Variants in ABCA5 observed in about 807,000 individuals in gnomAD.
ABCA5 encodes cholesterol transporter ABCA5.
In ABCA5, 163 loss-of-function variants were observed where a neutral mutation model predicts 206.0. That is an observed-to-expected ratio of 0.79 (90% CI 0.70 to 0.90). The LOEUF is 0.90. Among genes scored for constraint, ABCA5 ranks in the 40% least tolerant of loss-of-function variants. ABCA5 has a pLI of 0.00. For missense variants in ABCA5, 1,859 were observed against 1,912.9 expected (o/e 0.97, Z 0.53); for synonymous variants, 609 against 613.8 (o/e 0.99, Z 0.11).
At position 69,306,934 on chromosome 17, in the gene ABCA5, A is replaced by C. The variant is rs1555584736; in HGVS notation, c.579T>G (p.Leu193=). The change falls in exon 6 of 39, where the codon CTT becomes CTG. Residue 193 remains leucine (L), a synonymous_variant. Transcript: ENST00000392676. ...AIIQLKTNVS[L]WKELESTKAV... ...CTTTAGTTGACTCCAGCTCCTTCCA[A>C]AGAGAAACATTGGTCTTCAACTATA... is the stretch of plus-strand genomic sequence containing the variant. The C allele has an allele frequency of 6.4e-7, 1 of 1,555,016 alleles. No homozygotes were observed. The highest frequency in any genetic ancestry group is 1.2e-5 in the South Asian group (1 of 80,106).
At position 69,250,619 on chromosome 17, in the gene ABCA5, C is replaced by G; in HGVS notation, c.4538G>C (p.Cys1513Ser). 1 of 1,539,558 alleles carries G rather than the reference C, an allele frequency of 6.5e-7. No individual in the cohort carries two copies. Among genetic ancestry groups the G allele is most frequent in the Non-Finnish European group, 8.7e-7 (1 of 1,149,274 alleles). The change falls in exon 36 of 39, where the codon TGT (cysteine) becomes TCT (serine). Residue 1513 changes from cysteine to serine, a missense_variant and splice_region_variant. Coordinates refer to ENST00000392676, the MANE Select transcript of ABCA5 (RefSeq NM_172232.4). ...CTTTAGATGTTGTACTGTTCCGATA[C>G]ATCTGAAGTAATTTTTTAAAAGAAA... ...VAIMVSGQLR[C>S]IGTVQHLKSK... is the part of the protein sequence containing the mutation.
chr17:69,257,091 G>A (rs1438031251), intron 28 of ABCA5, among the ~76,000 whole-genome samples: 1 of 152,024 alleles, frequency 6.6e-6, no homozygotes, highest in Non-Finnish European at 1.5e-5. Context: ...GTGGCCAGGC[G>A]CAGTGGCTCC....
At position 69,314,321 on chromosome 17, in the gene ABCA5, C is replaced by T. The variant is rs747470011; in HGVS notation, c.95G>A (p.Ser32Asn). Residue 32 changes from serine (S) to asparagine (N), a missense_variant, in exon 2 of 39, where the codon AGT (serine) becomes AAT (asparagine). Physicochemically the swap from Ser to Asn is conservative, Grantham distance 46. Coordinates refer to ENST00000392676, the MANE Select transcript of ABCA5 (RefSeq NM_172232.4). Reference protein sequence around the residue: ...YLIKCRTKKSSVQEILFPLFF... With the variant: ...YLIKCRTKKSNVQEILFPLFF... ...AAGAGTTATTTAACTTACCTGAACA[C>T]TACTCTTTTTGGTTCTGCATTTAAT... 1.2e-6 allele frequency: 2 copies of T among 1,609,796 alleles called. No individual in the cohort carries two copies. The highest frequency in any genetic ancestry group is 1.7e-6 in the Non-Finnish European group (2 of 1,176,518).
chr17:69,262,715 G>A (rs1047621584), intron 24 of ABCA5, among the ~76,000 whole-genome samples: 37 of 152,236 alleles, frequency 2.4e-4, no homozygotes, highest in African/African-American at 8.7e-4. Flanking sequence ...CTTTTTGGTA[G>A]AATGATTTAT....
At chr17:69,272,797 T>C (rs906694185) in intron 20 of ABCA5, among the ~76,000 whole-genome samples, 4 of 152,202 alleles carry the variant, frequency 2.6e-5, no homozygotes, top group Non-Finnish European at 4.4e-5. Flanking sequence ...ATGAAGGTTA[T>C]GTAATATAAC....
intron 19 of ABCA5, among the ~76,000 whole-genome samples, chr17:69,274,813 T>C (rs1170565628): frequency 2.0e-5 from 3 of 151,306 alleles, no homozygotes; most frequent in Non-Finnish European, 4.4e-5. Context: ...AATTACTTCC[T>C]GTCCTGTCTC....
At chr17:69,277,943 G>A in intron 18 of ABCA5, 101 bp from the exon 19 acceptor site, 2 of 859,804 alleles carry the variant, frequency 2.3e-6, no homozygotes, top group Non-Finnish European at 3.4e-6. Flanking sequence ...TGGCAGTTAT[G>A]TGGAACAAAT....
At chr17:69,302,451 C>A (rs1279403750) in intron 8 of ABCA5, among the ~76,000 whole-genome samples, 1 of 152,110 alleles carries the variant, frequency 6.6e-6, no homozygotes. Flanking sequence ...TACTATCAAA[C>A]TGAGTTTCTG....
chr17:69,279,818 C>T (rs1354129011), intron 18 of ABCA5, among the ~76,000 whole-genome samples: 2 of 152,336 alleles, frequency 1.3e-5, no homozygotes, highest in African/African-American at 4.8e-5. Context: ...GCTGGGAAAA[C>T]TAGCTAGCCA....
At chr17:69,247,695 A>G in intron 38 of ABCA5, 51 bp from the exon 39 acceptor site, 1 of 1,081,526 alleles carries the variant, frequency 9.2e-7, no homozygotes, top group Non-Finnish European at 1.4e-6. Context: ...CAAGTACCTC[A>G]AAGAACTTTT....
intron 28 of ABCA5, among the ~76,000 whole-genome samples, 156 bp downstream of exon 28, chr17:69,259,550 T>A (rs186695577): frequency 1.1e-3 from 160 of 152,092 alleles, no homozygotes; most frequent in African/African-American, 3.8e-3. Flanking sequence ...TACCTAAGAC[T>A]GGGAGCTATG....
chr17:69,303,294 T>C (rs1271406593), intron 7 of ABCA5, among the ~76,000 whole-genome samples: 9 of 152,062 alleles, frequency 5.9e-5, no homozygotes, highest in African/African-American at 9.7e-5. Flanking sequence ...TTTAGTATTT[T>C]TTTTGTAGAG....
intron 3 of ABCA5, among the ~76,000 whole-genome samples, chr17:69,311,575 C>T (rs549523209): frequency 2.0e-5 from 3 of 152,136 alleles, no homozygotes; most frequent in Non-Finnish European, 4.4e-5. Flanking sequence ...CTGCAACCTC[C>T]GCCTCCCGGG....
intron 34 of ABCA5, among the ~76,000 whole-genome samples, chr17:69,253,308 G>T (rs914676565): frequency 1.3e-5 from 2 of 152,036 alleles, no homozygotes; most frequent in African/African-American, 4.8e-5. Flanking sequence ...AAACTATTCA[G>T]AACACTAGAA....
At chr17:69,255,676 C>A in intron 30 of ABCA5, 42 bp from the exon 31 acceptor site, 2 of 1,572,824 alleles carry the variant, frequency 1.3e-6, no homozygotes, top group South Asian at 1.2e-5. Flanking sequence ...TCAAATCATA[C>A]TAAAAGTAGA....
chr17:69,299,996 G>A (rs1270042299), intron 9 of ABCA5, among the ~76,000 whole-genome samples: 1 of 152,158 alleles, frequency 6.6e-6, no homozygotes, highest in Non-Finnish European at 1.5e-5. Flanking sequence ...TTTTTCCACA[G>A]ACAGGGAGCA....
chr17:69,319,035 T>C (rs939707053), intron 1 of ABCA5: 13 of 410,734 alleles, frequency 3.2e-5, no homozygotes, highest in Non-Finnish European at 5.4e-5. Context: ...ATGTAAAAAT[T>C]AAGTCATGTA....
In ABCA5 at chr17:69,256,285, T is replaced by C; in HGVS notation, c.3732-2A>G. On this transcript the variant is annotated splice_acceptor_variant, in intron 28 of 38. Coordinates refer to ENST00000392676, the MANE Select transcript of ABCA5 (RefSeq NM_172232.4). LOFTEE classifies it high-confidence loss of function. ...TTTTTAGACTTCGTTGAAAGGTTTC[T>C]ACATATATATAATAAATATAAAAGA... is the stretch of plus-strand genomic sequence containing the variant. 1.3e-6 allele frequency: 2 copies of C among 1,538,776 alleles called. No homozygotes were observed. Among genetic ancestry groups the C allele is most frequent in the Non-Finnish European group, 1.8e-6 (2 of 1,137,532 alleles).
intron 32 of ABCA5, 109 bp from the exon 33 acceptor site, chr17:69,253,978 G>T: frequency 1.1e-6 from 1 of 881,152 alleles, no homozygotes; most frequent in Non-Finnish European, 1.7e-6. Flanking sequence ...CTTAGTCGAA[G>T]CTTATTATAA....
Sources: gnomAD v4.1 joint callset for allele counts (sites outside exome capture counted in the v4.1 genomes callset) on GRCh38, gnomAD v4.1.1 for gene constraint, MANE v1.5 for transcripts, NCBI Gene and HGNC (gene_info 2026-07-23, HGNC 2026-07-21) for gene names.